ESR1: variants seen among roughly 807,000 people sequenced by gnomAD.
The protein encoded by ESR1 is estrogen receptor 1, also known as estrogen receptor.
A neutral mutation model predicts 52.7 loss-of-function variants in ESR1; 12 were observed. That is an observed-to-expected ratio of 0.23 (90% CI 0.15 to 0.37). The LOEUF (loss-of-function observed/expected upper bound fraction) is 0.37, where lower values mean the gene tolerates loss of function less well. ESR1 is among the 10% of genes least tolerant of loss of function. ESR1 has a pLI of 1.00. For synonymous variants in ESR1, 305 were observed against 316.8 expected (o/e 0.96, Z 0.39); for missense variants, 584 against 779.7 (o/e 0.75, Z 2.99).
intron 3 of ESR1, among the ~76,000 whole-genome samples, chr6:151,939,056 A>G (rs2034718761): frequency 6.6e-6 from 1 of 152,234 alleles, no homozygotes; most frequent in Admixed American, 6.5e-5. Flanking sequence ...AGTGTACACT[A>G]GCTATCCAGG....
At chr6:151,923,021 A>T (rs2032002659) in intron 3 of ESR1, among the ~76,000 whole-genome samples, 1 of 152,122 alleles carries the variant, frequency 6.6e-6, no homozygotes, top group African/African-American at 2.4e-5. Context: ...CTATTTATTT[A>T]CTTAATTATT....
At chr6:151,840,982 C>T (rs754257094) in intron 1 of ESR1, among the ~76,000 whole-genome samples, 37 of 152,278 alleles carry the variant, frequency 2.4e-4, no homozygotes, top group Non-Finnish European at 4.8e-4. Flanking sequence ...ATAACATCTA[C>T]TCCTATGTCT....
intron 4 of ESR1, among the ~76,000 whole-genome samples, chr6:151,956,217 T>A (rs1316322435): frequency 6.6e-6 from 1 of 152,222 alleles, no homozygotes; most frequent in Non-Finnish European, 1.5e-5. Flanking sequence ...GGTAGAACGA[T>A]ATATAATCCT....
chr6:151,659,904 A>G (rs780300996), intron 1 of ESR1, among the ~76,000 whole-genome samples: 20 of 152,246 alleles, frequency 1.3e-4, no homozygotes, highest in Non-Finnish European at 2.1e-4. Context: ...TAGGCATAAT[A>G]GTCTTTAAAG....
chr6:151,798,812 G>A (rs1346009120), intron 2 of ESR1, among the ~76,000 whole-genome samples: 2 of 152,072 alleles, frequency 1.3e-5, no homozygotes, highest in East Asian at 3.8e-4. Context: ...TTTTTCTTTA[G>A]CTAGAATGTT....
chr6:151,938,094 C>T (rs184591926), intron 3 of ESR1, among the ~76,000 whole-genome samples: 1 of 152,158 alleles, frequency 6.6e-6, no homozygotes, highest in East Asian at 1.9e-4. Context: ...TTTTAATACC[C>T]CATGAATTAT....
chr6:151,952,889 TTTAAA>T (rs2036476495), intron 4 of ESR1, among the ~76,000 whole-genome samples: 1 of 152,216 alleles, frequency 6.6e-6, no homozygotes, highest in Non-Finnish European at 1.5e-5. Flanking sequence ...GCAAAATAAA[TTTAAA>T]TTAAATAAAT....
In ESR1 at chr6:151,706,486, C is replaced by A. The variant is rs370495923; in HGVS notation, c.-71+4481C>A. On this transcript the variant is annotated intron_variant, in intron 2 of 2. Coordinates refer to the ESR1 transcript ENST00000404742. ...CAGGAAGCACAAGGCCATCCCAGGGCGGGGCAGGAGAGAGGTGGGAGGGAA... is the reference window on the plus strand; with the variant it reads ...CAGGAAGCACAAGGCCATCCCAGGGAGGGGCAGGAGAGAGGTGGGAGGGAA... 1.2e-4 allele frequency among the ~76,000 whole-genome samples: 18 copies of A among 152,210 alleles called. No individual in the cohort carries two copies. The South Asian group carries it at 1.9e-3, about 16-fold the overall frequency.
rs2128156625 is a variant in ESR1, at chr6:151,808,183, T to C, written c.271T>C (p.Ser91Pro). 6.3e-7 allele frequency: 1 copy of C among 1,580,292 alleles called. No homozygotes were observed. The highest frequency in any genetic ancestry group is 8.6e-7 in the Non-Finnish European group (1 of 1,163,256). Residue 91 changes from serine to proline, a missense_variant, in exon 1 of 8, where the codon TCC (serine) becomes CCC (proline). Physicochemically the swap from Ser to Pro is moderately conservative, Grantham distance 74 (BLOSUM62 -1). Transcript: ENST00000206249. ...GPGSEAAAFGSNGLGGFPPLN... is the reference protein window; with the variant it reads ...GPGSEAAAFGPNGLGGFPPLN... ...CGGGTCTGAGGCTGCGGCGTTCGGC[T>C]CCAACGGCCTGGGGGGTTTCCCCCC...
At chr6:151,974,158 T>C (rs2039201515) in intron 4 of ESR1, among the ~76,000 whole-genome samples, 1 of 152,148 alleles carries the variant, frequency 6.6e-6, no homozygotes, top group Non-Finnish European at 1.5e-5. Context: ...GCTACTACAT[T>C]TGATTCTGTG....
intron 6 of ESR1, among the ~76,000 whole-genome samples, chr6:152,064,997 A>G (rs939745907): frequency 3.3e-5 from 5 of 152,214 alleles, no homozygotes; most frequent in Admixed American, 1.3e-4. Flanking sequence ...CAGTTCATGG[A>G]CCATTGTAGG....
At chr6:151,818,157 C>T (rs1779970984) in intron 1 of ESR1, among the ~76,000 whole-genome samples, 1 of 152,196 alleles carries the variant, frequency 6.6e-6, no homozygotes, top group African/African-American at 2.4e-5. Flanking sequence ...CATTCAGGCA[C>T]TCCAGCTTGG....
intron 2 of ESR1, among the ~76,000 whole-genome samples, chr6:151,868,811 C>T (rs377169386): frequency 6.6e-6 from 1 of 152,012 alleles, no homozygotes; most frequent in African/African-American, 2.4e-5. Flanking sequence ...ATTTTCATTA[C>T]TCTTATCAGG....
intron 2 of ESR1, among the ~76,000 whole-genome samples, chr6:151,713,007 G>C (rs1780740675): frequency 6.6e-6 from 1 of 152,120 alleles, no homozygotes; most frequent in South Asian, 2.1e-4. Context: ...TTTGAGGTAT[G>C]TTCCATCAAT....
intron 4 of ESR1, among the ~76,000 whole-genome samples, chr6:151,954,236 C>G (rs2036652392): frequency 6.6e-6 from 1 of 152,214 alleles, no homozygotes; most frequent in Admixed American, 6.5e-5. Context: ...GGATACTTCT[C>G]TTAGGAACAT....
chr6:152,078,230 T>A (rs1234641550), intron 6 of ESR1, among the ~76,000 whole-genome samples: 2 of 152,226 alleles, frequency 1.3e-5, no homozygotes, highest in African/African-American at 4.8e-5. Context: ...CTTCCTCATT[T>A]TCTCTTGCTG....
intron 2 of ESR1, among the ~76,000 whole-genome samples, chr6:151,867,409 A>G (rs866040628): frequency 1.5e-5 from 2 of 135,586 alleles, no homozygotes; most frequent in Non-Finnish European, 3.2e-5. Context: ...GAACTTCAAC[A>G]AATTTACACA....
At chr6:151,709,944 T>C (rs1166014189) in intron 2 of ESR1, among the ~76,000 whole-genome samples, 1 of 145,568 alleles carries the variant, frequency 6.9e-6, no homozygotes, top group African/African-American at 2.5e-5. Flanking sequence ...TAAAAATTTC[T>C]ATGTTTTATT....
rs2128528041 is a variant in ESR1, at chr6:151,944,342, G to A, written c.930G>A (p.Leu310=). Residue 310 remains leucine, a synonymous_variant, in exon 4 of 8, where the codon CTG becomes CTA. Transcript: ENST00000206249. ...AGAAGAACAGCCTGGCCTTGTCCCT[G>A]ACGGCCGACCAGATGGTCAGTGCCT... ...RSKKNSLALS[L]TADQMVSALL... 1.2e-6 allele frequency: 2 copies of A among 1,614,146 alleles called. 1 individual carries two copies. Among genetic ancestry groups the A allele is most frequent in the South Asian group, 2.2e-5 (2 of 91,082 alleles).
Sources: allele counts gnomAD v4.1 joint callset (sites outside exome capture counted in the v4.1 genomes callset), GRCh38; gene constraint gnomAD v4.1.1; transcripts MANE v1.5; gene names NCBI Gene and HGNC (gene_info 2026-07-23, HGNC 2026-07-21).